Variants in RHPN1 observed in about 807,000 individuals in gnomAD.
RHPN1 encodes rhophilin-1.
RHPN1 carries 77 observed loss-of-function variants against 74.7 expected under a neutral mutation model. The observed-to-expected ratio is 1.03, with a 90% CI of 0.86 to 1.25. RHPN1 has a LOEUF of 1.25. Among genes scored for constraint, RHPN1 ranks in the 50% most tolerant of loss-of-function variants. RHPN1 has a pLI of 0.00. For synonymous variants in RHPN1, 444 were observed against 414.5 expected, an observed-to-expected ratio of 1.07 and a Z score of -0.87; for missense variants, 987 against 932.2, an observed-to-expected ratio of 1.06 and a Z score of -0.77.
intron 3 of RHPN1, 142 bp downstream of exon 3, chr8:143,376,795 T>G: frequency 1.0e-6 from 1 of 991,558 alleles, no homozygotes; most frequent in South Asian, 1.6e-5. Context: ...TGTGTGTGCA[T>G]GCATGTCTGT....
Position 143,380,114 on chromosome 8 carries a change from C to G in RHPN1, c.1155C>G (p.Pro385=), listed in dbSNP as rs1470982796. Residue 385 remains proline (P), a synonymous_variant, in exon 10 of 15, where the codon CCC becomes CCG. Transcript: ENST00000289013. ...ACGAGCAGGTCTTCCTGCAGCCCCC[C>G]ACCTCCTCTAAGCCCCGAGGCCCTG... ...PTHEQVFLQP[P]TSSKPRGPVL... The G allele has an allele frequency of 2.8e-5, 43 of 1,552,348 alleles. No homozygotes were observed. In the Admixed American group the frequency reaches 5.8e-4, roughly 21 times the overall value.
In RHPN1 at chr8:143,379,367, G is replaced by T. The variant is rs767376740; in HGVS notation, c.804G>T (p.Met268Ile). 1 of 1,603,972 alleles carries T rather than the reference G, an allele frequency of 6.2e-7. No individual in the cohort carries two copies. Among genetic ancestry groups the T allele is most frequent in the Non-Finnish European group, 8.5e-7 (1 of 1,175,484 alleles). Residue 268 changes from methionine to isoleucine, a missense_variant, in exon 8 of 15, where the codon ATG (methionine) becomes ATT (isoleucine). By Grantham distance (10) the Met-to-Ile change is conservative. Coordinates refer to ENST00000289013, the MANE Select transcript of RHPN1 (RefSeq NM_052924.3). ...ENFSHAPSPD[M>I]SAASLCALEQ... ...TCTCCCATGCGCCGAGCCCAGACATGAGCGCTGCGTCCCTCTGCGCACTGG... is the reference window on the plus strand; with the variant it reads ...TCTCCCATGCGCCGAGCCCAGACATTAGCGCTGCGTCCCTCTGCGCACTGG...
chr8:143,371,591 G>A (rs1817824979), intron 1 of RHPN1, among the ~76,000 whole-genome samples: 1 of 152,178 alleles, frequency 6.6e-6, no homozygotes, highest in South Asian at 2.1e-4. Flanking sequence ...ACTCTGGCCA[G>A]GGCCACACTG....
Position 143,379,048 on chromosome 8 carries a change from C to A in RHPN1, c.721C>A (p.Arg241Ser). ...CCGCTCCTGCACCGAGGGTGCCCGC[C>A]GCGCTATGGAGGCCTTCCAGAGGGC... ...QDRSCTEGARRAMEAFQRAAG... is the reference protein window; with the variant it reads ...QDRSCTEGARSAMEAFQRAAG... Residue 241 changes from arginine to serine, a missense_variant, in exon 7 of 15, where the codon CGC (arginine) becomes AGC (serine). Arg to Ser is a moderately radical substitution (Grantham distance 110, BLOSUM62 -1). Transcript: ENST00000289013. 1 of 1,539,060 alleles carries A rather than the reference C, an allele frequency of 6.5e-7. No individual in the cohort carries two copies. The highest frequency in any genetic ancestry group is 1.2e-5 in the South Asian group (1 of 83,250).
rs1252085063 is a variant in RHPN1 at position 143,380,705 on chromosome 8, C to T, written c.1333C>T (p.Gln445Ter). The change falls in exon 11 of 15, where the codon CAG (glutamine) becomes TAG (stop). Residue 445 changes from glutamine (Q) to a stop codon, truncating the protein, a stop_gained. Coordinates refer to ENST00000289013, the MANE Select transcript of RHPN1 (RefSeq NM_052924.3). LOFTEE classifies it high-confidence loss of function. ...LLRAVISQTL[Q>*]RSLAKYAELD... is the part of the protein sequence containing the mutation. ...TCGGGCTGTGATCTCCCAGACGCTGCAGCGCTCACTGGCCAAGTATGCGGA... is the reference window on the plus strand; with the variant it reads ...TCGGGCTGTGATCTCCCAGACGCTGTAGCGCTCACTGGCCAAGTATGCGGA... The T allele has an allele frequency of 1.3e-6, 2 of 1,590,592 alleles. No homozygotes were observed. The highest frequency in any genetic ancestry group is 1.7e-6 in the Non-Finnish European group (2 of 1,169,084).
rs536626012 is a variant in RHPN1 at position 143,370,792 on chromosome 8, G to T, written c.60+1745G>T. 1.3e-4 allele frequency among the ~76,000 whole-genome samples: 20 copies of T among 152,348 alleles called. No individual in the cohort carries two copies. In the East Asian group the frequency reaches 3.3e-3, roughly 25 times the overall value. On this transcript the variant is annotated intron_variant, in intron 1 of 14. Coordinates refer to ENST00000289013, the MANE Select transcript of RHPN1 (RefSeq NM_052924.3). Reference sequence around the variant, plus strand: ...GGCCAACCCAGCTGCCGTCCCTCCCGCAGGGGCTGCAGGGGCTCCCGGGGG... The same window carrying T: ...GGCCAACCCAGCTGCCGTCCCTCCCTCAGGGGCTGCAGGGGCTCCCGGGGG...
intron 12 of RHPN1, 42 bp from the exon 13 acceptor site, chr8:143,381,530 T>C: frequency 6.3e-7 from 1 of 1,580,862 alleles, no homozygotes; most frequent in Non-Finnish European, 8.6e-7. Context: ...GTCTCCTCAG[T>C]GTGTGGCCCA....
upstream of RHPN1, among the ~76,000 whole-genome samples, chr8:143,365,024 C>T (rs1267507924): frequency 6.6e-6 from 1 of 152,056 alleles, no homozygotes; most frequent in African/African-American, 2.4e-5. Context: ...TGGGTTTGTG[C>T]ACCTCTAAAT....
Position 143,379,886 on chromosome 8 carries a change from T to C in RHPN1, c.1003T>C (p.Tyr335His), listed in dbSNP as rs899007197. 2.5e-6 allele frequency: 4 copies of C among 1,610,104 alleles called. No individual in the cohort carries two copies. The African/African-American group carries it at 5.3e-5, about 22-fold the overall frequency. ...RTMAQPPVHDYVPVSWTALVH... is the reference protein window; with the variant it reads ...RTMAQPPVHDHVPVSWTALVH... The stretch of plus-strand genomic sequence containing the variant: ...CATGGCCCAGCCACCCGTCCACGAC[T>C]ACGTGCCTGTCTCCTGGACTGCCCT... The change falls in exon 9 of 15, where the codon TAC becomes CAC. Residue 335 changes from tyrosine to histidine, a missense_variant. Transcript: ENST00000289013.
Position 143,381,977 on chromosome 8 carries a change from CTGGGGCCCCAGAGGGGCGG to C in RHPN1, c.1797+11_1797+29del. On this transcript the variant is annotated intron_variant, in intron 14 of 14. Coordinates refer to ENST00000289013, the MANE Select transcript of RHPN1 (RefSeq NM_052924.3). ...CTAGACTGCCCAGCTTGGTGAGCCC[CTGGGGCCCCAGAGGGGCGG>C]TCCCCAGCTTGCTGTCACCACCCTG... is the stretch of plus-strand genomic sequence containing the variant. 1.9e-6 allele frequency: 3 copies of C among 1,571,410 alleles called. No individual in the cohort carries two copies. Among genetic ancestry groups the C allele is most frequent in the Non-Finnish European group, 2.6e-6 (3 of 1,158,164 alleles).
chr8:143,366,347 A>G (rs1288786455), upstream of RHPN1, among the ~76,000 whole-genome samples: 3 of 152,150 alleles, frequency 2.0e-5, no homozygotes, highest in Admixed American at 6.5e-5. Flanking sequence ...AGAAGTGCAC[A>G]ATACACATGT....
chr8:143,370,511 T>C (rs182903973), intron 1 of RHPN1, among the ~76,000 whole-genome samples: 92 of 152,154 alleles, frequency 6.0e-4, no homozygotes, highest in African/African-American at 2.1e-3. Flanking sequence ...GGGTCAGGGG[T>C]CGGTCGTTCA....
upstream of RHPN1, chr8:143,368,867 G>A: frequency 6.6e-6 from 4 of 605,928 alleles, no homozygotes; most frequent in Non-Finnish European, 9.7e-6. Context: ...GTCGGGGACC[G>A]GCGCGGGCAC....
upstream of RHPN1, chr8:143,367,290 G>C (rs1287138066): frequency 1.3e-5 from 2 of 152,254 alleles, no homozygotes; most frequent in African/African-American, 4.8e-5. Context: ...AGAAGTTTGA[G>C]ACCAGCCTGG....
At chr8:143,371,489 G>A (rs891079095) in intron 1 of RHPN1, among the ~76,000 whole-genome samples, 1 of 152,142 alleles carries the variant, frequency 6.6e-6, no homozygotes, top group Non-Finnish European at 1.5e-5. Context: ...CTGGGGGAGA[G>A]TGGAGGTCTG....
chr8:143,366,940 C>T (rs1226111667), upstream of RHPN1: 1 of 152,302 alleles, frequency 6.6e-6, no homozygotes, highest in Non-Finnish European at 1.5e-5. Context: ...ACATGGAAGT[C>T]CCCACACAAG....
rs894947144 is a variant in RHPN1 at position 143,376,577 on chromosome 8, G to A, written c.229G>A (p.Val77Ile). The change falls in exon 3 of 15, where the codon GTC (valine) becomes ATC (isoleucine). Residue 77 changes from valine (V) to isoleucine (I), a missense_variant. By Grantham distance (29) the Val-to-Ile change is conservative. Transcript: ENST00000289013. ...RETVALELSYVNSNLQLLKEE... is the reference protein window; with the variant it reads ...RETVALELSYINSNLQLLKEE... The stretch of plus-strand genomic sequence containing the variant: ...GACGGTCGCCCTGGAGCTGAGCTAC[G>A]TCAACTCCAACCTGCAGCTGCTGAA... 11 of 1,610,338 alleles carry A rather than the reference G, an allele frequency of 6.8e-6. No individual in the cohort carries two copies. The highest frequency in any genetic ancestry group is 2.2e-5 in the South Asian group (2 of 90,570).
intron 3 of RHPN1, 111 bp downstream of exon 3, chr8:143,376,764 CTGTGTGTGTGCGTGTGTGCATG>C (rs1230602573): frequency 2.1e-5 from 26 of 1,256,756 alleles, no homozygotes; most frequent in Non-Finnish European, 2.8e-5. Context: ...TGTGCATTGT[CTGTGTGTGTGCGTGTGTGCATG>C]TGTGTGCATG....
At chr8:143,381,779 C>T in intron 13 of RHPN1, 28 bp from the exon 14 acceptor site, 1 of 1,607,840 alleles carries the variant, frequency 6.2e-7, no homozygotes, top group Non-Finnish European at 8.5e-7. Context: ...TGTCCTGTCC[C>T]CACCTCACCG....
Sources: allele counts gnomAD v4.1 joint callset (sites outside exome capture counted in the v4.1 genomes callset), GRCh38; gene constraint gnomAD v4.1.1; transcripts MANE v1.5; gene names NCBI Gene and HGNC (gene_info 2026-07-23, HGNC 2026-07-21).